VIPAS39: variants seen among roughly 807,000 people sequenced by gnomAD.
VIPAS39 encodes VPS33B interacting protein, apical-basolateral polarity regulator, spe-39 homolog, also known as spermatogenesis-defective protein 39 homolog.
A neutral mutation model predicts 84.7 loss-of-function variants in VIPAS39; 63 were observed. The ratio of observed to expected loss-of-function variants is 0.74; its 90% CI spans 0.61 to 0.92. The LOEUF is 0.92. Among genes scored for constraint, VIPAS39 ranks in the 40% least tolerant of loss-of-function variants. The probability of loss-of-function intolerance (pLI) is 0.00; values close to 1 mark genes in which losing one functional copy is unlikely to be tolerated. For synonymous variants in VIPAS39, 192 were observed against 216.5 expected, an observed-to-expected ratio of 0.89 and a Z score of 0.99; for missense variants, 499 against 604.5, an observed-to-expected ratio of 0.83 and a Z score of 1.83.
chr14:77,447,965 CTT>C (rs1301071234), intron 7 of VIPAS39, among the ~76,000 whole-genome samples: 2 of 138,842 alleles, frequency 1.4e-5, no homozygotes, highest in Admixed American at 1.4e-4. Flanking sequence ...CCCGGCTTCT[CTT>C]TTTTTTTTTT....
chr14:77,433,684 T>C (rs970080833), intron 16 of VIPAS39, among the ~76,000 whole-genome samples, 158 bp downstream of exon 16: 2 of 152,244 alleles, frequency 1.3e-5, no homozygotes, highest in Admixed American at 6.5e-5. Context: ...TTGATTATTA[T>C]ATGAACTATA....
intron 8 of VIPAS39, 27 bp downstream of exon 8, chr14:77,444,218 TAAAC>T (rs754524577): frequency 1.4e-5 from 22 of 1,599,408 alleles, no homozygotes; most frequent in South Asian, 9.9e-5. Context: ...AAACAATAAT[TAAAC>T]AAACAACAAC....
rs147518794 is a variant in VIPAS39, at chr14:77,457,359, G to A, written c.-1+136C>T. 3.6e-5 allele frequency: 55 copies of A among 1,535,654 alleles called. No homozygotes were observed. In the African/African-American group the frequency reaches 6.3e-4, roughly 18 times the overall value. On this transcript the variant is annotated intron_variant, in intron 1 of 19. Coordinates refer to ENST00000557658, the MANE Select transcript of VIPAS39 (RefSeq NM_001193315.2). ...AAGCGTACTCCAGCGCCCAAGGGTC[G>A]CCCTGACTGAAAGAAGAGAATCAGG...
At chr14:77,436,044 C>A in intron 12 of VIPAS39, 125 bp from the exon 13 acceptor site, 1 of 906,188 alleles carries the variant, frequency 1.1e-6, no homozygotes, top group East Asian at 2.5e-5. Flanking sequence ...CTCAGTTCAC[C>A]TTTAGAGCGT....
chr14:77,450,447 T>C (rs977710617), intron 4 of VIPAS39, among the ~76,000 whole-genome samples: 5 of 152,236 alleles, frequency 3.3e-5, no homozygotes, highest in African/African-American at 9.6e-5. Flanking sequence ...TACAAATATA[T>C]GTTCAAGTAC....
In VIPAS39 at chr14:77,449,145, C is replaced by A; in HGVS notation, c.447+148G>T. The A allele has an allele frequency of 9.4e-6, 8 of 846,792 alleles. No homozygotes were observed. In the South Asian group the frequency reaches 1.1e-4, roughly 12 times the overall value. 52.5% of individuals were successfully genotyped at this position (846,792 alleles called of 1,614,324 possible). A position where few individuals can be genotyped will look rare whatever the true frequency, so the allele number is the denominator to read the frequency against. ...TCCCAGCTCTGAGACCCCAGGTAAGCCCTCATGTTTAGAAACCCAGTTTTC... is the reference window on the plus strand; with the variant it reads ...TCCCAGCTCTGAGACCCCAGGTAAGACCTCATGTTTAGAAACCCAGTTTTC... On this transcript the variant is annotated intron_variant, in intron 6 of 19. Transcript: ENST00000557658.
chr14:77,457,197 C>A (rs1236778278), intron 1 of VIPAS39: 1 of 1,500,010 alleles, frequency 6.7e-7, no homozygotes, highest in South Asian at 1.3e-5. Context: ...GATGACTCTA[C>A]GGGTGAACGT....
chr14:77,429,116 G>T, intron 17 of VIPAS39, 21 bp from the exon 18 acceptor site: 1 of 1,601,986 alleles, frequency 6.2e-7, no homozygotes, highest in South Asian at 1.1e-5. Context: ...AGGTACTTCC[G>T]ATTAATGATT....
At chr14:77,447,277 G>GGCCT (rs1180319581) in intron 7 of VIPAS39, among the ~76,000 whole-genome samples, 1 of 151,372 alleles carries the variant, frequency 6.6e-6, no homozygotes, top group African/African-American at 2.4e-5. Flanking sequence ...TGCCTGTCTT[G>GGCCT]GCCTTCCAAA....
intron 7 of VIPAS39, among the ~76,000 whole-genome samples, chr14:77,445,662 A>C (rs565225415): frequency 1.3e-5 from 2 of 152,204 alleles, no homozygotes; most frequent in East Asian, 3.9e-4. Flanking sequence ...ATTCTGGCCA[A>C]GTACAGTGGC....
intron 11 of VIPAS39, among the ~76,000 whole-genome samples, chr14:77,438,185 G>GTGAC (rs1423723439): frequency 1.3e-5 from 2 of 151,544 alleles, no homozygotes; most frequent in African/African-American, 4.9e-5. Context: ...ACAGCTACAT[G>GTGAC]TGACTAGGAG....
intron 6 of VIPAS39, 96 bp downstream of exon 6, chr14:77,449,197 T>A (rs1030281748): frequency 1.5e-6 from 2 of 1,361,670 alleles, no homozygotes; most frequent in Admixed American, 1.7e-5. Context: ...GTTAAAAAAA[T>A]ATCTACTCAA....
chr14:77,445,895 G>A (rs1383159793), intron 7 of VIPAS39, among the ~76,000 whole-genome samples: 3 of 148,086 alleles, frequency 2.0e-5, no homozygotes, highest in Admixed American at 6.8e-5. Flanking sequence ...AGCTGAGATC[G>A]CACCACTGCA....
intron 19 of VIPAS39, 77 bp downstream of exon 19, chr14:77,428,292 TG>T: frequency 1.5e-6 from 2 of 1,334,080 alleles, no homozygotes; most frequent in South Asian, 1.2e-5. Context: ...TTCCAGACCT[TG>T]GGAACATACA....
At position 77,449,720 on chromosome 14, in the gene VIPAS39, A is replaced by T; in HGVS notation, c.376T>A (p.Ser126Thr). The change falls in exon 5 of 20, where the codon TCT becomes ACT. Residue 126 changes from serine (S) to threonine (T), a missense_variant. Physicochemically the swap from Ser to Thr is moderately conservative, Grantham distance 58. Coordinates refer to ENST00000557658, the MANE Select transcript of VIPAS39 (RefSeq NM_001193315.2). ...RTRPGSFQSL[S>T]DALSDTPAKS... ...AAGAGGGTTCAATGCCTACCATCAG[A>T]AAGGGACTGGAAACTTCCAGGTCTA... is the stretch of plus-strand genomic sequence containing the variant. 6.2e-7 allele frequency: 1 copy of T among 1,614,194 alleles called. No individual in the cohort carries two copies. The highest frequency in any genetic ancestry group is 8.5e-7 in the Non-Finnish European group (1 of 1,180,032).
At chr14:77,435,208 CTTCT>C in intron 14 of VIPAS39, 47 bp downstream of exon 14, 1 of 1,612,410 alleles carries the variant, frequency 6.2e-7, no homozygotes, top group Non-Finnish European at 8.5e-7. Flanking sequence ...TTTGAACTAT[CTTCT>C]TTTTGTGCAA....
chr14:77,449,248 C>G (rs1162919938), intron 6 of VIPAS39, 45 bp downstream of exon 6: 4 of 1,585,262 alleles, frequency 2.5e-6, no homozygotes, highest in Non-Finnish European at 3.5e-6. Flanking sequence ...TGTCAAGGTA[C>G]TTTATACTGT....
intron 3 of VIPAS39, 131 bp from the exon 4 acceptor site, chr14:77,451,464 G>GA (rs2078880517): frequency 1.7e-5 from 23 of 1,361,164 alleles, no homozygotes; most frequent in Non-Finnish European, 2.4e-5. Flanking sequence ...AGGGAGAAAA[G>GA]ATAGAATCAA....
rs1379556205 is a variant in VIPAS39 at position 77,434,251 on chromosome 14, T to A, written c.1089+11A>T. Reference sequence around the variant, plus strand: ...TCACTAGTTTCATAACACTGACCAATTTGTATCTACCTTAAATGTCTTCTT... The same window carrying A: ...TCACTAGTTTCATAACACTGACCAAATTGTATCTACCTTAAATGTCTTCTT... On this transcript the variant is annotated intron_variant, in intron 15 of 19. Transcript: ENST00000557658. 6.2e-7 allele frequency: 1 copy of A among 1,613,842 alleles called. No homozygotes were observed. Among genetic ancestry groups the A allele is most frequent in the East Asian group, 2.2e-5 (1 of 44,872 alleles).
Sources: allele counts gnomAD v4.1 joint callset (sites outside exome capture counted in the v4.1 genomes callset), GRCh38; gene constraint gnomAD v4.1.1; transcripts MANE v1.5; gene names NCBI Gene and HGNC (gene_info 2026-07-23, HGNC 2026-07-21).